CFAP47: variants seen among roughly 807,000 people sequenced by gnomAD.
CFAP47 encodes cilia- and flagella-associated protein 47.
CFAP47 carries 29 observed loss-of-function variants against 148.1 expected under a neutral mutation model. That is an observed-to-expected ratio of 0.20 (90% CI 0.15 to 0.27). The LOEUF is 0.27. CFAP47 is among the 10% of genes least tolerant of loss of function. The pLI, the probability that CFAP47 is intolerant of heterozygous loss-of-function variation, is 1.00. For synonymous variants in CFAP47, 664 were observed against 577.3 expected (o/e 1.15, Z -2.15); for missense variants, 1,872 against 1,697.5 (o/e 1.10, Z -1.81).
intron 61 of CFAP47, among the ~76,000 whole-genome samples, chrX:36,366,081 T>C (rs1449169733): frequency 9.0e-6 from 1 of 111,503 alleles, no homozygotes; most frequent in East Asian, 2.8e-4. Flanking sequence ...TTACACAAAT[T>C]TGTTAAGATA....
chrX:36,151,987 G>A (rs1281963478), intron 37 of CFAP47, among the ~76,000 whole-genome samples: 4 of 110,873 alleles, frequency 3.6e-5, no homozygotes, highest in African/African-American at 9.9e-5. Flanking sequence ...TAGGATCAAG[G>A]CAACTCTATG....
At chrX:36,011,309 C>T (rs6527531) in intron 21 of CFAP47, among the ~76,000 whole-genome samples, 18,812 of 111,174 alleles carry the variant, frequency 0.17, 1,739 homozygotes, top group African/African-American at 0.33. Flanking sequence ...TTAGTTTTTA[C>T]TTACCACTTG....
intron 35 of CFAP47, among the ~76,000 whole-genome samples, chrX:36,139,056 T>A (rs1352905120): frequency 8.9e-6 from 1 of 111,884 alleles, no homozygotes; most frequent in African/African-American, 3.2e-5. Flanking sequence ...TGACTTTGAA[T>A]ATATAAATTC....
At chrX:36,341,673 T>C (rs192957399) in intron 57 of CFAP47, among the ~76,000 whole-genome samples, 39 of 110,650 alleles carry the variant, frequency 3.5e-4, no homozygotes, top group Non-Finnish European at 1.7e-4. Context: ...GTTTTAAATA[T>C]ACACCAAATA....
At chrX:35,955,576 CCCTATCAGAGAAGCCTTTTTGGA>C in intron 7 of CFAP47, among the ~76,000 whole-genome samples, 1 of 111,636 alleles carries the variant, frequency 9.0e-6, no homozygotes, top group Non-Finnish European at 1.9e-5. Context: ...TCAAGTATCT[CCCTATCAGAGAAGCCTTTTTGGA>C]CATCTCTACA....
chrX:36,353,101 T>C (rs782019070), intron 59 of CFAP47, among the ~76,000 whole-genome samples: 264 of 110,818 alleles, frequency 2.4e-3, no homozygotes, highest in Middle Eastern at 0.019. Flanking sequence ...TTAAATTATT[T>C]GAAGGCATTT....
intron 39 of CFAP47, among the ~76,000 whole-genome samples, chrX:36,161,905 C>A (rs1477736671): frequency 9.0e-6 from 1 of 111,688 alleles, no homozygotes; most frequent in Non-Finnish European, 1.9e-5. Context: ...TGATTTAGTG[C>A]AATTTTATTA....
intron 25 of CFAP47, among the ~76,000 whole-genome samples, chrX:36,044,050 C>T (rs779659688): frequency 1.8e-5 from 2 of 113,246 alleles, no homozygotes; most frequent in East Asian, 5.6e-4. Context: ...TTTTCTGAAG[C>T]AATGAGCTGA....
intron 59 of CFAP47, among the ~76,000 whole-genome samples, chrX:36,352,319 G>A (rs188825476): frequency 2.7e-5 from 3 of 110,809 alleles, no homozygotes; most frequent in African/African-American, 9.8e-5. Context: ...ATTTTAAACC[G>A]TTTAATTTAT....
intron 27 of CFAP47, among the ~76,000 whole-genome samples, chrX:36,067,251 G>A (rs2146755321): frequency 9.0e-6 from 1 of 111,364 alleles, no homozygotes; most frequent in African/African-American, 3.3e-5. Flanking sequence ...AGAGATTCAG[G>A]AATTCAGAAT....
intron 33 of CFAP47, among the ~76,000 whole-genome samples, chrX:36,127,832 G>A (rs1365009346): frequency 1.8e-5 from 2 of 110,813 alleles, no homozygotes; most frequent in Non-Finnish European, 3.8e-5. Context: ...TGGATTCCTA[G>A]GTATTTTATT....
chrX:36,051,047 G>T (rs1005023704), intron 26 of CFAP47, among the ~76,000 whole-genome samples: 1 of 112,488 alleles, frequency 8.9e-6, no homozygotes. Context: ...GATTTCGGAT[G>T]ATTTATGTAA....
intron 39 of CFAP47, among the ~76,000 whole-genome samples, chrX:36,163,372 T>C (rs1410132882): frequency 1.8e-5 from 2 of 111,772 alleles, no homozygotes; most frequent in African/African-American, 3.2e-5. Flanking sequence ...TTCTCTATTG[T>C]TTTACTATCC....
intron 3 of CFAP47, 23 bp from the exon 4 acceptor site, chrX:35,948,291 T>A (rs1936113701): frequency 8.5e-7 from 1 of 1,181,063 alleles, no homozygotes; most frequent in Non-Finnish European, 1.1e-6. Flanking sequence ...CAGATGTAAA[T>A]CAACTGCTCT....
intron 1 of CFAP47, among the ~76,000 whole-genome samples, chrX:35,925,394 A>G (rs980847472): frequency 1.8e-5 from 2 of 110,684 alleles, no homozygotes; most frequent in African/African-American, 6.6e-5. Context: ...ATAATAATGT[A>G]TATCTCAAAA....
At chrX:36,289,478 A>G (rs1941171350) in intron 51 of CFAP47, among the ~76,000 whole-genome samples, 1 of 111,251 alleles carries the variant, frequency 9.0e-6, no homozygotes, top group Admixed American at 9.6e-5. Flanking sequence ...TTTAATCCGG[A>G]AAAAATATCT....
At chrX:35,938,975 C>A (rs947413585) in intron 2 of CFAP47, among the ~76,000 whole-genome samples, 4 of 111,673 alleles carry the variant, frequency 3.6e-5, no homozygotes, top group Non-Finnish European at 7.5e-5. Context: ...TGTTTCCACT[C>A]CAAAGCAATG....
intron 3 of CFAP47, among the ~76,000 whole-genome samples, chrX:35,945,848 T>C (rs959426799): frequency 7.4e-5 from 8 of 108,519 alleles, no homozygotes; most frequent in Admixed American, 7.1e-4. Flanking sequence ...TTTAACATTC[T>C]TTTTTCTTCT....
At chrX:36,009,375 A>G (rs1937014930) in intron 21 of CFAP47, among the ~76,000 whole-genome samples, 1 of 112,134 alleles carries the variant, frequency 8.9e-6, no homozygotes, top group Admixed American at 9.5e-5. Context: ...GACACAAAAT[A>G]TAACCAGCTG....
Sources: allele counts gnomAD v4.1 joint callset (sites outside exome capture counted in the v4.1 genomes callset), GRCh38; gene constraint gnomAD v4.1.1; transcripts MANE v1.5; gene names NCBI Gene and HGNC (gene_info 2026-07-23, HGNC 2026-07-21).